Variants in CDH13 observed in about 807,000 individuals in gnomAD.
CDH13 encodes the protein cadherin-13.
In CDH13, 24 loss-of-function variants were observed where a neutral mutation model predicts 63.8. The ratio of observed to expected loss-of-function variants is 0.38; its 90% confidence interval spans 0.27 to 0.53. The LOEUF (loss-of-function observed/expected upper bound fraction) is 0.53, where lower values mean the gene tolerates loss of function less well. CDH13 is among the 20% of genes least tolerant of loss of function. CDH13 has a pLI of 0.85. For synonymous variants in CDH13, 503 were observed against 355.3 expected, an observed-to-expected ratio of 1.42 and a Z score of -4.67; for missense variants, 1,049 against 903.1, an observed-to-expected ratio of 1.16 and a Z score of -2.07.
intron 4 of CDH13, among the ~76,000 whole-genome samples, chr16:83,196,438 A>G (rs2038882245): frequency 6.6e-6 from 1 of 152,206 alleles, no homozygotes; most frequent in South Asian, 2.1e-4. Flanking sequence ...GATAAATTAG[A>G]CTTTATCAAA....
At chr16:82,824,280 A>C (rs2038138426) in intron 1 of CDH13, 1 of 151,664 alleles carries the variant, frequency 6.6e-6, no homozygotes, top group Non-Finnish European at 1.5e-5. Flanking sequence ...AAGATGATAG[A>C]AACCATCTCA....
At position 83,217,396 on chromosome 16, in the gene CDH13, G is replaced by C; in HGVS notation, c.535G>C (p.Gly179Arg). Residue 179 changes from glycine (G) to arginine (R), a missense_variant, in exon 5 of 14, where the codon GGA becomes CGA. Physicochemically the swap from Gly to Arg is moderately radical, Grantham distance 125. Transcript: ENST00000567109. ...GTCCAAGTTCCGGCTCACTGGAAAG[G>C]GAGTGGATCAAGAGCCTAAAGGAAT... is the stretch of plus-strand genomic sequence containing the variant. ...ERSKFRLTGK[G>R]VDQEPKGIFR... is the part of the protein sequence containing the mutation. 1 of 1,613,872 alleles carries C rather than the reference G, an allele frequency of 6.2e-7. No individual in the cohort carries two copies. Among genetic ancestry groups the C allele is most frequent in the Non-Finnish European group, 8.5e-7 (1 of 1,179,802 alleles).
intron 1 of CDH13, among the ~76,000 whole-genome samples, chr16:82,796,448 T>G (rs1327966405): frequency 5.3e-5 from 8 of 152,214 alleles, no homozygotes; most frequent in Non-Finnish European, 1.0e-4. Flanking sequence ...TTCTGGGCCA[T>G]GCACTCTAGG....
rs924924359 is a variant in CDH13 at position 82,997,962 on chromosome 16, C to T, written c.158-34048C>T. Among the ~76,000 whole-genome samples the T allele has an allele frequency of 2.6e-5, 4 of 152,124 alleles. No individual in the cohort carries two copies. The South Asian group carries it at 8.3e-4, about 32-fold the overall frequency. ...TCACTCATATAAATAATATATTTAA[C>T]CTACTTAGAAACTCTGTATAGAAGA... On this transcript the variant is annotated intron_variant, in intron 2 of 13. Transcript: ENST00000567109.
intron 1 of CDH13, among the ~76,000 whole-genome samples, chr16:82,700,512 G>A (rs979877767): frequency 3.9e-5 from 4 of 102,938 alleles, no homozygotes; most frequent in Non-Finnish European, 7.7e-5. Flanking sequence ...CAAGAATTAG[G>A]GCTAGTAAGT....
chr16:82,844,160 C>T (rs1350047371), intron 1 of CDH13, among the ~76,000 whole-genome samples: 1 of 151,960 alleles, frequency 6.6e-6, no homozygotes, highest in Non-Finnish European at 1.5e-5. Context: ...TAGGAGGAGC[C>T]AGAGTTAGAA....
intron 3 of CDH13, among the ~76,000 whole-genome samples, chr16:83,061,327 C>T (rs546953261): frequency 5.3e-5 from 8 of 151,984 alleles, no homozygotes; most frequent in Non-Finnish European, 1.0e-4. Flanking sequence ...TGCAAAGGGG[C>T]TTTGTCCGGA....
chr16:82,741,334 G>A (rs1389636869), intron 1 of CDH13, among the ~76,000 whole-genome samples: 1 of 152,140 alleles, frequency 6.6e-6, no homozygotes, highest in Non-Finnish European at 1.5e-5. Flanking sequence ...TCTCCCACCT[G>A]CCTGGTGAAT....
chr16:83,046,044 T>C (rs1917752502), intron 3 of CDH13, among the ~76,000 whole-genome samples: 1 of 152,214 alleles, frequency 6.6e-6, no homozygotes, highest in Non-Finnish European at 1.5e-5. Flanking sequence ...CTGTTGGTGC[T>C]GTTTGATTCT....
chr16:82,702,297 A>C (rs1396351714), intron 1 of CDH13, among the ~76,000 whole-genome samples: 1 of 141,296 alleles, frequency 7.1e-6, no homozygotes. Context: ...TAATTTTCAC[A>C]GCACATGATC....
intron 8 of CDH13, among the ~76,000 whole-genome samples, chr16:83,621,303 T>C (rs1444757303): frequency 6.6e-6 from 1 of 152,114 alleles, no homozygotes; most frequent in African/African-American, 2.4e-5. Flanking sequence ...GTCAGCTCTG[T>C]AGGATTCCTT....
At chr16:82,868,204 T>G (rs2040218985) in intron 2 of CDH13, among the ~76,000 whole-genome samples, 1 of 152,214 alleles carries the variant, frequency 6.6e-6, no homozygotes, top group African/African-American at 2.4e-5. Flanking sequence ...ATTGCCTAAT[T>G]CACTCTATCA....
intron 8 of CDH13, among the ~76,000 whole-genome samples, chr16:83,667,169 C>T (rs1384717257): frequency 6.6e-6 from 1 of 151,914 alleles, no homozygotes; most frequent in African/African-American, 2.4e-5. Context: ...CCGTTGTGGA[C>T]CCATCCAAGG....
intron 7 of CDH13, among the ~76,000 whole-genome samples, chr16:83,568,143 G>C (rs186553139): frequency 6.6e-6 from 1 of 151,932 alleles, no homozygotes; most frequent in African/African-American, 2.4e-5. Context: ...TCATTGGTCT[G>C]AATACATGTG....
At chr16:83,508,213 G>A (rs150517949) in intron 7 of CDH13, 1,678 of 152,966 alleles carry the variant, frequency 0.011, 13 homozygotes, top group Non-Finnish European at 0.017. Flanking sequence ...TTTAATAAAT[G>A]TGGAGTCTGC....
At chr16:83,419,609 A>G (rs1475672205) in intron 6 of CDH13, among the ~76,000 whole-genome samples, 3 of 152,206 alleles carry the variant, frequency 2.0e-5, no homozygotes, top group African/African-American at 7.2e-5. Context: ...CCATGGCTGT[A>G]GCATATTTCC....
chr16:83,491,800 G>A (rs1056535483), intron 7 of CDH13, among the ~76,000 whole-genome samples: 1 of 152,074 alleles, frequency 6.6e-6, no homozygotes, highest in African/African-American at 2.4e-5. Context: ...AGATATTAGG[G>A]CTGTGAATGT....
intron 2 of CDH13, among the ~76,000 whole-genome samples, chr16:82,917,177 G>A (rs1045644899): frequency 6.6e-5 from 10 of 152,186 alleles, no homozygotes; most frequent in Non-Finnish European, 1.5e-4. Context: ...ACAAATAAGA[G>A]AGAAGAAAGG....
At chr16:83,303,158 T>C (rs1393874154) in intron 5 of CDH13, among the ~76,000 whole-genome samples, 2 of 152,232 alleles carry the variant, frequency 1.3e-5, no homozygotes, top group African/African-American at 4.8e-5. Context: ...CTTTTCAGCA[T>C]GGGCCAGTGT....
Sources: allele counts gnomAD v4.1 joint callset (sites outside exome capture counted in the v4.1 genomes callset), GRCh38; gene constraint gnomAD v4.1.1; transcripts MANE v1.5; gene names NCBI Gene and HGNC (gene_info 2026-07-23, HGNC 2026-07-21).